The following KAZN variants were observed in gnomAD, a reference collection of about 807,000 sequenced individuals.
KAZN encodes kazrin.
Under a neutral mutation model 87.4 loss-of-function variants are expected in KAZN, and 40 were observed. That is an observed-to-expected ratio of 0.46 (90% CI 0.36 to 0.60). The LOEUF (loss-of-function observed/expected upper bound fraction) is 0.60, where lower values mean the gene tolerates loss of function less well. Among genes scored for constraint, KAZN ranks in the 20% least tolerant of loss-of-function variants. The probability of loss-of-function intolerance (pLI) is 0.00; values close to 1 mark genes in which losing one functional copy is unlikely to be tolerated. For missense variants in KAZN, 898 were observed against 1,073.9 expected, an observed-to-expected ratio of 0.84 and a Z score of 2.29; for synonymous variants, 466 against 458.3, an observed-to-expected ratio of 1.02 and a Z score of -0.22.
intron 2 of KAZN, among the ~76,000 whole-genome samples, chr1:14,449,735 T>C (rs1414119809): frequency 1.3e-5 from 2 of 152,196 alleles, no homozygotes; most frequent in East Asian, 3.8e-4. Flanking sequence ...CAATCAGTAC[T>C]ACCTAGAAAC....
In KAZN at chr1:14,860,533, C is replaced by CA. The variant is rs368070082; in HGVS notation, c.227-100150dup. On this transcript the variant is annotated intron_variant, in intron 1 of 14. Coordinates refer to ENST00000376030, the MANE Select transcript of KAZN (RefSeq NM_201628.3). ...TAAAAATATTTTCTCTTCTTTCTGG[C>CA]ACTGTGGTCAGAGAGGGAGACCTAT... Among the ~76,000 whole-genome samples, 208 of 152,300 alleles carry CA rather than the reference C, an allele frequency of 1.4e-3. 1 individual carries two copies. Among genetic ancestry groups the CA allele is most frequent in the African/African-American group, 4.7e-3 (197 of 41,580 alleles).
At chr1:13,949,988 G>C (rs548868805) in intron 1 of KAZN, among the ~76,000 whole-genome samples, 1 of 152,322 alleles carries the variant, frequency 6.6e-6, no homozygotes, top group Admixed American at 6.5e-5. Context: ...GAGTAAGATT[G>C]AAAGGCCTTG....
At chr1:14,490,844 A>G (rs1464943161) in intron 2 of KAZN, among the ~76,000 whole-genome samples, 1 of 152,186 alleles carries the variant, frequency 6.6e-6, no homozygotes, top group Non-Finnish European at 1.5e-5. Flanking sequence ...ATCGATTTCA[A>G]CATTTTTGAA....
chr1:14,100,399 C>T (rs981944243), intron 1 of KAZN, among the ~76,000 whole-genome samples: 9 of 152,150 alleles, frequency 5.9e-5, no homozygotes, highest in East Asian at 1.9e-4. Flanking sequence ...CAGGACCCAG[C>T]GCACAGTTGC....
chr1:15,013,083 G>T (rs1669737584), intron 2 of KAZN, among the ~76,000 whole-genome samples: 1 of 152,146 alleles, frequency 6.6e-6, no homozygotes, highest in Non-Finnish European at 1.5e-5. Context: ...ATTGAGTGTG[G>T]CTCCCCAGAC....
At chr1:14,256,701 T>TTTA (rs2100635558) in intron 2 of KAZN, among the ~76,000 whole-genome samples, 1 of 152,270 alleles carries the variant, frequency 6.6e-6, no homozygotes, top group African/African-American at 2.4e-5. Flanking sequence ...TTCTGTCATA[T>TTTA]GTAAGGGGCA....
chr1:14,881,524 G>A (rs181758963), intron 1 of KAZN, among the ~76,000 whole-genome samples: 39 of 152,224 alleles, frequency 2.6e-4, no homozygotes, highest in South Asian at 2.5e-3. Flanking sequence ...CTCTTCATCC[G>A]CAAGTGTTTA....
intron 1 of KAZN, among the ~76,000 whole-genome samples, chr1:14,878,221 A>G (rs894708355): frequency 8.5e-5 from 13 of 152,114 alleles, no homozygotes; most frequent in Non-Finnish European, 1.6e-4. Flanking sequence ...TTATCACCCC[A>G]CAACCTATCA....
chr1:14,667,425 C>A (rs1028323874), intron 1 of KAZN, among the ~76,000 whole-genome samples: 1 of 152,202 alleles, frequency 6.6e-6, no homozygotes, highest in Admixed American at 6.5e-5. Flanking sequence ...CTTGAGCACA[C>A]AGAAGTTGAG....
chr1:14,185,851 C>A lies in KAZN; in HGVS notation c.249+5259C>A, dbSNP rs183831441. On this transcript the variant is annotated intron_variant, in intron 2 of 16. Coordinates refer to the KAZN transcript ENST00000636203. ...TTTTAAATTGATAGAGAAAGTTAGACCCTCCTGAGACCTCTGTCATCGTTG... is the reference window on the plus strand; with the variant it reads ...TTTTAAATTGATAGAGAAAGTTAGAACCTCCTGAGACCTCTGTCATCGTTG... 3.9e-5 allele frequency among the ~76,000 whole-genome samples: 6 copies of A among 152,184 alleles called. No individual in the cohort carries two copies. The East Asian group carries it at 7.7e-4, about 20-fold the overall frequency.
chr1:14,651,961 T>C (rs770831005), intron 1 of KAZN, among the ~76,000 whole-genome samples: 8 of 152,302 alleles, frequency 5.3e-5, no homozygotes, highest in African/African-American at 7.2e-5. Context: ...AAGGGGAAAA[T>C]CATTGAGCAG....
At chr1:14,332,462 G>A (rs1032644057) in intron 2 of KAZN, among the ~76,000 whole-genome samples, 1 of 152,220 alleles carries the variant, frequency 6.6e-6, no homozygotes, top group Admixed American at 6.5e-5. Context: ...AGGCTCTGAT[G>A]TTTGACATTT....
intron 2 of KAZN, among the ~76,000 whole-genome samples, chr1:14,437,682 C>G (rs1666476992): frequency 6.6e-6 from 1 of 152,188 alleles, no homozygotes; most frequent in Admixed American, 6.5e-5. Context: ...GCTGCAGTCG[C>G]TGCAGCCCGT....
chr1:14,465,106 A>G (rs1668047694), intron 2 of KAZN, among the ~76,000 whole-genome samples: 1 of 152,018 alleles, frequency 6.6e-6, no homozygotes, highest in Admixed American at 6.5e-5. Context: ...ATGGTCCAAG[A>G]CAGCTTCACC....
intron 1 of KAZN, among the ~76,000 whole-genome samples, chr1:14,614,419 G>A (rs1678059872): frequency 6.6e-6 from 1 of 152,152 alleles, no homozygotes; most frequent in South Asian, 2.1e-4. Flanking sequence ...GTTCATCTTT[G>A]GCTGGAGGGC....
chr1:14,249,302 T>A (rs1649793862), intron 2 of KAZN, among the ~76,000 whole-genome samples: 1 of 152,218 alleles, frequency 6.6e-6, no homozygotes, highest in Non-Finnish European at 1.5e-5. Flanking sequence ...TAATTCCTGT[T>A]CTTCAAAAAG....
chr1:13,943,001 T>C (rs72871401), intron 1 of KAZN, among the ~76,000 whole-genome samples: 4,716 of 152,248 alleles, frequency 0.031, 221 homozygotes, highest in African/African-American at 0.11. Flanking sequence ...ATAAGTATCA[T>C]TGAAGTTCCA....
In KAZN at chr1:14,599,034, G is replaced by A; in HGVS notation, c.37G>A (p.Asp13Asn). Reference protein sequence around the residue: ...EDNKQLALRIDGAVQSASQEV... With the variant: ...EDNKQLALRINGAVQSASQEV... ...CAATAAGCAGCTCGCGCTCCGCATC[G>A]ATGGGGCGGTCCAGTCGGCCAGCCA... The change falls in exon 1 of 15, where the codon GAT becomes AAT. Residue 13 changes from aspartate (D) to asparagine (N), a missense_variant. This residue lies in a region of KAZN where 250 missense variants were observed against 263.0 expected (regional missense o/e 0.95). Transcript: ENST00000376030. The surrounding 1 kb of genome is among the most constrained non-coding windows in gnomAD (Gnocchi z 4.4). 1 of 1,569,922 alleles carries A rather than the reference G, an allele frequency of 6.4e-7. No individual in the cohort carries two copies. Among genetic ancestry groups the A allele is most frequent in the Middle Eastern group, 1.7e-4 (1 of 5,950 alleles).
intron 1 of KAZN, among the ~76,000 whole-genome samples, chr1:14,085,256 G>A (rs58353804): frequency 0.011 from 1,694 of 152,206 alleles, 36 homozygotes; most frequent in African/African-American, 0.039. Flanking sequence ...GGATGTAATT[G>A]CTTTGTCAGT....
Sources: allele counts gnomAD v4.1 joint callset (sites outside exome capture counted in the v4.1 genomes callset), GRCh38; gene constraint gnomAD v4.1.1; regional missense constraint gnomAD v4.1.1; non-coding constraint Gnocchi (gnomAD v3.1); transcripts MANE v1.5; gene names NCBI Gene and HGNC (gene_info 2026-07-23, HGNC 2026-07-21).